The following FNDC3A variants were observed in gnomAD, a reference collection of about 807,000 sequenced individuals.
FNDC3A encodes fibronectin type-III domain-containing protein 3A.
In FNDC3A, 32 loss-of-function variants were observed where a neutral mutation model predicts 148.9. That is an observed-to-expected ratio of 0.21 (90% confidence interval 0.16 to 0.29). The LOEUF is 0.29. Ranked by LOEUF, FNDC3A falls within the 10% of genes least tolerant of loss-of-function variation. The pLI, the probability that FNDC3A is intolerant of heterozygous loss-of-function variation, is 1.00. For missense variants in FNDC3A, 1,191 were observed against 1,452.8 expected, an observed-to-expected ratio of 0.82 and a Z score of 2.93; for synonymous variants, 472 against 473.6, an observed-to-expected ratio of 1.00 and a Z score of 0.04.
Position 49,034,173 on chromosome 13 carries a change from A to C in FNDC3A, c.99+27884A>C, listed in dbSNP as rs142183056. Among the ~76,000 whole-genome samples, 406 of 152,090 alleles carry C rather than the reference A, an allele frequency of 2.7e-3. 2 individuals are homozygous for C. The highest frequency in any genetic ancestry group is 7.7e-3 in the African/African-American group (319 of 41,550). On this transcript the variant is annotated intron_variant, in intron 2 of 25. Transcript: ENST00000492622. ...GAATATAGAATTTCAGAGTTTATGA[A>C]TCTATTAAGAATGATCAGTCCAGCT... is the stretch of plus-strand genomic sequence containing the variant.
At chr13:49,037,836 A>G (rs1385469718) in intron 2 of FNDC3A, among the ~76,000 whole-genome samples, 1 of 152,172 alleles carries the variant, frequency 6.6e-6, no homozygotes, top group African/African-American at 2.4e-5. Context: ...GTGTCTACAG[A>G]TGGGTGCCTG....
rs192395336 is a variant in FNDC3A at position 49,039,745 on chromosome 13, G to A, written c.99+33456G>A. ...TTTGTTTTTTCTGAGACGGAGTTTC[G>A]CTCTTTTTGCCCAGGCTGGAGTGCA... On this transcript the variant is annotated intron_variant, in intron 2 of 25. Transcript: ENST00000492622. Among the ~76,000 whole-genome samples the A allele has an allele frequency of 5.9e-5, 9 of 151,864 alleles. No individual in the cohort carries two copies. In the East Asian group the frequency reaches 1.2e-3, roughly 20 times the overall value.
chr13:49,034,345 A>C (rs1874344315), intron 2 of FNDC3A, among the ~76,000 whole-genome samples: 1 of 152,046 alleles, frequency 6.6e-6, no homozygotes, highest in Non-Finnish European at 1.5e-5. Context: ...GTTCTAAGTA[A>C]TTATATTTTG....
At chr13:49,072,231 T>C (rs1207774879) in intron 2 of FNDC3A, among the ~76,000 whole-genome samples, 1 of 152,178 alleles carries the variant, frequency 6.6e-6, no homozygotes, top group Non-Finnish European at 1.5e-5. Flanking sequence ...TTCTTCTGCC[T>C]AATAGAAAAC....
chr13:49,042,959 G>A (rs1344637746), intron 2 of FNDC3A, among the ~76,000 whole-genome samples: 1 of 151,726 alleles, frequency 6.6e-6, no homozygotes, highest in African/African-American at 2.4e-5. Flanking sequence ...GACATTTTCT[G>A]TTTTTGTTTT....
chr13:49,179,877 G>A (rs1030888776), intron 14 of FNDC3A, among the ~76,000 whole-genome samples: 1 of 152,050 alleles, frequency 6.6e-6, no homozygotes, highest in African/African-American at 2.4e-5. Context: ...TCCTTTTAGT[G>A]GACAGTGATA....
At chr13:49,048,094 T>C (rs1049033924) in intron 2 of FNDC3A, among the ~76,000 whole-genome samples, 1 of 152,174 alleles carries the variant, frequency 6.6e-6, no homozygotes, top group Non-Finnish European at 1.5e-5. Flanking sequence ...TTCTTGAAGA[T>C]TAGTTGGCTG....
chr13:49,190,281 G>C (rs989742787), intron 17 of FNDC3A, among the ~76,000 whole-genome samples: 1 of 152,138 alleles, frequency 6.6e-6, no homozygotes, highest in Non-Finnish European at 1.5e-5. Flanking sequence ...CAAATACCTA[G>C]AAAGATGCCA....
intron 1 of FNDC3A, among the ~76,000 whole-genome samples, chr13:49,001,239 A>G (rs372133419): frequency 2.0e-5 from 3 of 152,336 alleles, no homozygotes; most frequent in African/African-American, 7.2e-5. Flanking sequence ...TGAAGATTTC[A>G]TAGACACTTA....
In FNDC3A at chr13:49,010,493, G is replaced by A. The variant is rs542701313; in HGVS notation, c.99+4204G>A. On this transcript the variant is annotated intron_variant, in intron 2 of 25. Transcript: ENST00000492622. ...AGGAATACAGAAAATAAGAAAATAGGGTTAATATAATTGGCCCTGTGATGA... is the reference window on the plus strand; with the variant it reads ...AGGAATACAGAAAATAAGAAAATAGAGTTAATATAATTGGCCCTGTGATGA... Among the ~76,000 whole-genome samples, 11 of 152,196 alleles carry A rather than the reference G, an allele frequency of 7.2e-5. 1 individual carries two copies. In the South Asian group the frequency reaches 1.9e-3, roughly 26 times the overall value.
intron 1 of FNDC3A, among the ~76,000 whole-genome samples, chr13:48,986,610 C>T (rs934639896): frequency 6.6e-6 from 1 of 151,880 alleles, no homozygotes; most frequent in African/African-American, 2.4e-5. Flanking sequence ...GTTGGTCAGA[C>T]TGGTCTCAAA....
chr13:49,061,405 T>C (rs1593532533), intron 2 of FNDC3A, among the ~76,000 whole-genome samples: 1 of 2,588 alleles, frequency 3.9e-4, no homozygotes, highest in African/African-American at 1.8e-3. Flanking sequence ...TCCCCTTCCC[T>C]CCCCTCCCCT....
At chr13:49,091,559 T>A (rs1248558280) in intron 3 of FNDC3A, among the ~76,000 whole-genome samples, 1 of 152,212 alleles carries the variant, frequency 6.6e-6, no homozygotes. Context: ...CTGGGAAGAT[T>A]TCCCTTCACT....
At chr13:49,121,208 A>G (rs1355953166) in intron 4 of FNDC3A, among the ~76,000 whole-genome samples, 1 of 152,230 alleles carries the variant, frequency 6.6e-6, no homozygotes, top group East Asian at 1.9e-4. Flanking sequence ...AAACCACACA[A>G]CTACATGGAA....
intron 2 of FNDC3A, among the ~76,000 whole-genome samples, chr13:49,012,805 A>ATGTGTGTG (rs61137549): frequency 0.23 from 30,516 of 134,382 alleles, 3,622 homozygotes; most frequent in East Asian, 0.38. Flanking sequence ...GCAATTATAA[A>ATGTGTGTG]TGTGTGTGTG....
At chr13:49,149,440 T>C (rs1477703978) in intron 8 of FNDC3A, among the ~76,000 whole-genome samples, 1 of 152,172 alleles carries the variant, frequency 6.6e-6, no homozygotes, top group East Asian at 1.9e-4. Flanking sequence ...TTTCTCTACA[T>C]CTATTGAGAT....
At chr13:49,129,989 G>T (rs1881933015) in intron 4 of FNDC3A, among the ~76,000 whole-genome samples, 1 of 152,008 alleles carries the variant, frequency 6.6e-6, no homozygotes, top group Non-Finnish European at 1.5e-5. Flanking sequence ...TTAACATTAT[G>T]ATCATTTTCT....
At chr13:48,981,831 TG>T (rs11292272) in intron 1 of FNDC3A, among the ~76,000 whole-genome samples, 151,408 of 152,092 alleles carry the variant, frequency 1, 75,369 homozygotes, top group Middle Eastern at 1. Flanking sequence ...TCAGAAATGC[TG>T]GGGGAAAAAA....
chr13:49,185,896 T>C (rs1293388275), intron 14 of FNDC3A, 68 bp from the exon 15 acceptor site: 1 of 1,259,758 alleles, frequency 7.9e-7, no homozygotes, highest in African/African-American at 1.5e-5. Context: ...CTCCTATCAC[T>C]TTGTTTATTA....
Sources: allele counts gnomAD v4.1 joint callset (sites outside exome capture counted in the v4.1 genomes callset), GRCh38; gene constraint gnomAD v4.1.1; transcripts MANE v1.5; gene names NCBI Gene and HGNC (gene_info 2026-07-23, HGNC 2026-07-21).